NEO1: variants seen among roughly 807,000 people sequenced by gnomAD.
NEO1 encodes neogenin.
In NEO1, 63 loss-of-function variants were observed where a neutral mutation model predicts 159.7. The observed-to-expected ratio is 0.39, with a 90% CI of 0.32 to 0.49. The LOEUF is 0.49. Ranked by LOEUF, NEO1 falls within the 20% of genes least tolerant of loss-of-function variation. The pLI is 0.85. For synonymous variants in NEO1, 633 were observed against 662.0 expected (o/e 0.96, Z 0.67); for missense variants, 1,615 against 1,831.0 (o/e 0.88, Z 2.15).
intron 22 of NEO1, among the ~76,000 whole-genome samples, chr15:73,280,953 C>T (rs911595194): frequency 6.6e-6 from 1 of 151,798 alleles, no homozygotes; most frequent in African/African-American, 2.4e-5. Context: ...TGCCTGTAAT[C>T]CCAGCACTTT....
chr15:73,304,223 A>C lies in NEO1; in HGVS notation c.*1527A>C, dbSNP rs1025604503. On this transcript the variant is annotated 3_prime_UTR_variant, in exon 29 of 29. Transcript: ENST00000261908. ...CACATGGAAGCCATTGCCTTTGCAC[A>C]TAGTTCTTGGGTTCTTTTTCCTAAA... 1.3e-5 allele frequency: 2 copies of C among 152,036 alleles called. No individual in the cohort carries two copies. The highest frequency in any genetic ancestry group is 1.3e-4 in the Admixed American group (2 of 15,258). The allele number at this position is 152,036 out of a possible 1,614,324, so 9.4% of individuals were successfully genotyped here. A position where few individuals can be genotyped will look rare whatever the true frequency, so the allele number is the denominator to read the frequency against.
chr15:73,270,894 TG>T (rs1032769022), intron 18 of NEO1, among the ~76,000 whole-genome samples: 1 of 152,216 alleles, frequency 6.6e-6, no homozygotes, highest in African/African-American at 2.4e-5. Flanking sequence ...TCTTTGTAAG[TG>T]GACACGAGAG....
At chr15:73,176,836 A>C (rs2035303377) in intron 6 of NEO1, among the ~76,000 whole-genome samples, 1 of 152,204 alleles carries the variant, frequency 6.6e-6, no homozygotes, top group African/African-American at 2.4e-5. Context: ...CACAGCTGCC[A>C]CCATTTTCTG....
intron 5 of NEO1, among the ~76,000 whole-genome samples, chr15:73,175,269 A>G (rs1443534222): frequency 6.6e-6 from 1 of 152,200 alleles, no homozygotes; most frequent in African/African-American, 2.4e-5. Context: ...ACATAAATCA[A>G]TTTCATTCCT....
chr15:73,093,337 A>G (rs1161255258), intron 1 of NEO1, among the ~76,000 whole-genome samples: 2 of 152,150 alleles, frequency 1.3e-5, no homozygotes, highest in Non-Finnish European at 2.9e-5. Context: ...GAAAGTCACC[A>G]TGGGCAGCCT....
chr15:73,225,430 G>A (rs1244121951), intron 7 of NEO1, among the ~76,000 whole-genome samples: 2 of 152,036 alleles, frequency 1.3e-5, no homozygotes, highest in Non-Finnish European at 2.9e-5. Flanking sequence ...AGGAGGGGGC[G>A]GGGCTAGATG....
chr15:73,208,200 A>G (rs1448055071), intron 7 of NEO1, among the ~76,000 whole-genome samples: 2 of 152,258 alleles, frequency 1.3e-5, no homozygotes, highest in African/African-American at 4.8e-5. Flanking sequence ...AATTCATGTC[A>G]GAATTTCACA....
chr15:73,195,242 A>G (rs551863625), intron 7 of NEO1, among the ~76,000 whole-genome samples: 2 of 152,208 alleles, frequency 1.3e-5, no homozygotes, highest in African/African-American at 4.8e-5. Flanking sequence ...GTGCTAAAAC[A>G]CCAGAAGGAA....
At chr15:73,106,410 T>C (rs1182768299) in intron 1 of NEO1, among the ~76,000 whole-genome samples, 3 of 152,210 alleles carry the variant, frequency 2.0e-5, no homozygotes, top group African/African-American at 2.4e-5. Flanking sequence ...TAATATATTT[T>C]ATTTACATGA....
intron 1 of NEO1, among the ~76,000 whole-genome samples, chr15:73,093,453 A>G (rs2069813038): frequency 6.6e-6 from 1 of 152,228 alleles, no homozygotes; most frequent in African/African-American, 2.4e-5. Context: ...TTCTCCATTT[A>G]AAAATCTTTC....
At chr15:73,140,686 G>T (rs2032295148) in intron 5 of NEO1, among the ~76,000 whole-genome samples, 1 of 152,048 alleles carries the variant, frequency 6.6e-6, no homozygotes. Context: ...TTCTTACTGG[G>T]AATAATTCAA....
At chr15:73,068,343 C>G (rs2068343360) in intron 1 of NEO1, among the ~76,000 whole-genome samples, 1 of 108,426 alleles carries the variant, frequency 9.2e-6, no homozygotes, top group Non-Finnish European at 2.1e-5. Context: ...TGCCCAATAG[C>G]TGGGATTACA....
intron 1 of NEO1, among the ~76,000 whole-genome samples, chr15:73,094,921 C>T (rs1298897365): frequency 6.6e-6 from 1 of 152,024 alleles, no homozygotes; most frequent in Non-Finnish European, 1.5e-5. Flanking sequence ...TTTAGAAAAC[C>T]ATAGCTAGGC....
chr15:73,056,671 G>C (rs2067712039), intron 1 of NEO1, among the ~76,000 whole-genome samples: 1 of 150,158 alleles, frequency 6.7e-6, no homozygotes, highest in African/African-American at 2.5e-5. Flanking sequence ...GGCCCCCCCT[G>C]CCCTTCCCCT....
chr15:73,167,275 TAA>T (rs57353803), intron 5 of NEO1, among the ~76,000 whole-genome samples: 69 of 144,592 alleles, frequency 4.8e-4, no homozygotes, highest in Admixed American at 6.1e-4. Context: ...AAGGTATAAT[TAA>T]AAAAAAAAAA....
chr15:73,140,069 T>G (rs1470333100), intron 5 of NEO1, among the ~76,000 whole-genome samples: 1 of 152,266 alleles, frequency 6.6e-6, no homozygotes, highest in African/African-American at 2.4e-5. Flanking sequence ...GTTGTCGTTA[T>G]TAGTCTTCAG....
intron 5 of NEO1, among the ~76,000 whole-genome samples, chr15:73,145,307 T>G (rs2032794674): frequency 6.6e-6 from 1 of 152,154 alleles, no homozygotes; most frequent in East Asian, 1.9e-4. Flanking sequence ...TTGGCAAAAT[T>G]ATATGGGGAT....
chr15:73,262,787 A>G (rs1596517444), intron 15 of NEO1, among the ~76,000 whole-genome samples: 1 of 152,240 alleles, frequency 6.6e-6, no homozygotes, highest in East Asian at 1.9e-4. Context: ...TACAATGTTC[A>G]TAGTAACTTT....
At chr15:73,174,099 C>A (rs377616677) in intron 5 of NEO1, among the ~76,000 whole-genome samples, 65 of 143,148 alleles carry the variant, frequency 4.5e-4, no homozygotes, top group East Asian at 1.0e-3. Context: ...GACTCCATCT[C>A]AAAAAAAAAA....
Sources: gnomAD v4.1 joint callset for allele counts (sites outside exome capture counted in the v4.1 genomes callset) on GRCh38, gnomAD v4.1.1 for gene constraint, MANE v1.5 for transcripts, NCBI Gene and HGNC (gene_info 2026-07-23, HGNC 2026-07-21) for gene names.